Variants in ADGRL3 observed in about 807,000 individuals in gnomAD.
ADGRL3 encodes the protein calcium-independent alpha-latrotoxin receptor 3.
In ADGRL3, 62 loss-of-function variants were observed where a neutral mutation model predicts 153.5. The observed-to-expected ratio is 0.40, with a 90% CI of 0.33 to 0.50. The LOEUF (loss-of-function observed/expected upper bound fraction) is 0.50. Ranked by LOEUF, ADGRL3 falls within the 20% of genes least tolerant of loss-of-function variation. ADGRL3 has a pLI of 0.47. For missense variants in ADGRL3, 1,641 were observed against 1,859.4 expected (o/e 0.88, Z 2.16); for synonymous variants, 710 against 672.5 (o/e 1.06, Z -0.86).
Position 61,667,040 on chromosome 4 carries a change from T to C in ADGRL3, c.474-9786T>C, listed in dbSNP as rs147435920. Among the ~76,000 whole-genome samples, 276 of 152,294 alleles carry C rather than the reference T, an allele frequency of 1.8e-3. 1 individual carries two copies. The highest frequency in any genetic ancestry group is 3.4e-3 in the Middle Eastern group (1 of 294). ...GAACTTGTTAATTTTAAAAAGCACA[T>C]TTCCATTTATTTTGGATGCATCGTT... On this transcript the variant is annotated intron_variant, in intron 5 of 26. Transcript: ENST00000683033.
chr4:61,269,586 A>G (rs1467517639), intron 1 of ADGRL3, among the ~76,000 whole-genome samples: 1 of 151,664 alleles, frequency 6.6e-6, no homozygotes, highest in Non-Finnish European at 1.5e-5. Context: ...AGCCATAAAA[A>G]ACTCTATTTT....
chr4:61,311,626 A>G (rs2095015923), intron 1 of ADGRL3, among the ~76,000 whole-genome samples: 1 of 152,202 alleles, frequency 6.6e-6, no homozygotes, highest in African/African-American at 2.4e-5. Context: ...TGTTCATAAC[A>G]CATCATTTAA....
At chr4:61,503,142 T>C (rs1290235159) in intron 3 of ADGRL3, among the ~76,000 whole-genome samples, 1 of 152,206 alleles carries the variant, frequency 6.6e-6, no homozygotes, top group African/African-American at 2.4e-5. Context: ...CTGATAGCTT[T>C]ACTTTATGTG....
chr4:61,731,917 G>T lies in ADGRL3; in HGVS notation c.599-837G>T, dbSNP rs115850621. ...AATCAAGTGAATCAGATGATTCTTG[G>T]CCATTTTCATCCTGAAGTATGAGCA... On this transcript the variant is annotated intron_variant, in intron 7 of 26. Coordinates refer to ENST00000683033, the MANE Select transcript of ADGRL3 (RefSeq NM_001387552.1). 2.8e-3 allele frequency among the ~76,000 whole-genome samples: 430 copies of T among 152,132 alleles called. 11 individuals carry two copies. The highest frequency in any genetic ancestry group is 9.9e-3 in the African/African-American group (413 of 41,508).
At chr4:61,277,993 T>C (rs912969265) in intron 1 of ADGRL3, among the ~76,000 whole-genome samples, 1 of 152,156 alleles carries the variant, frequency 6.6e-6, no homozygotes, top group African/African-American at 2.4e-5. Context: ...AAACTCTCCA[T>C]TGTAAGGCTT....
chr4:61,607,913 T>C (rs1387965030), intron 5 of ADGRL3, among the ~76,000 whole-genome samples: 1 of 152,174 alleles, frequency 6.6e-6, no homozygotes, highest in Non-Finnish European at 1.5e-5. Flanking sequence ...TGGCCCATGC[T>C]CTTTTCTAAG....
At position 61,449,935 on chromosome 4, in the gene ADGRL3, A is replaced by C. The variant is rs897617455; in HGVS notation, c.-173-47186A>C. Among the ~76,000 whole-genome samples the C allele has an allele frequency of 2.0e-5, 3 of 152,214 alleles. 1 individual carries two copies. In the South Asian group the frequency reaches 6.2e-4, roughly 32 times the overall value. ...ATGATATAATGGTGTTTTTCTAGGC[A>C]TGATGTCTATTGGAAACTATAATGT... On this transcript the variant is annotated intron_variant, in intron 2 of 26. Transcript: ENST00000683033.
intron 22 of ADGRL3, among the ~76,000 whole-genome samples, chr4:62,030,039 A>G (rs1287118836): frequency 6.6e-6 from 1 of 151,638 alleles, no homozygotes; most frequent in Non-Finnish European, 1.5e-5. Flanking sequence ...TTTTTTATTC[A>G]AGAATGTTGA....
At chr4:62,026,077 T>C (rs12645211) in intron 21 of ADGRL3, among the ~76,000 whole-genome samples, 16,894 of 152,174 alleles carry the variant, frequency 0.11, 1,222 homozygotes, top group East Asian at 0.28. Flanking sequence ...TTTAGTGATC[T>C]TTAGATTTTA....
At chr4:61,402,388 T>C (rs2096939996) in intron 2 of ADGRL3, among the ~76,000 whole-genome samples, 1 of 152,124 alleles carries the variant, frequency 6.6e-6, no homozygotes, top group Non-Finnish European at 1.5e-5. Context: ...CATTCCCCAT[T>C]TTGAAATTAT....
At chr4:61,353,126 C>T (rs1166444827) in intron 1 of ADGRL3, among the ~76,000 whole-genome samples, 1 of 151,964 alleles carries the variant, frequency 6.6e-6, no homozygotes, top group African/African-American at 2.4e-5. Context: ...GCAAAGTGAT[C>T]CAGGTAGTTT....
At chr4:61,568,219 A>C (rs1468056529) in intron 4 of ADGRL3, among the ~76,000 whole-genome samples, 1 of 152,084 alleles carries the variant, frequency 6.6e-6, no homozygotes, top group Non-Finnish European at 1.5e-5. Flanking sequence ...CCCCACATCA[A>C]ATATCTATAA....
intron 8 of ADGRL3, among the ~76,000 whole-genome samples, chr4:61,800,313 G>C (rs115951812): frequency 2.1e-3 from 324 of 152,256 alleles, no homozygotes; most frequent in African/African-American, 7.5e-3. Context: ...GATTCTCCAA[G>C]TAAATACAGT....
At chr4:61,858,970 T>G (rs2098311067) in intron 9 of ADGRL3, among the ~76,000 whole-genome samples, 1 of 152,188 alleles carries the variant, frequency 6.6e-6, no homozygotes, top group African/African-American at 2.4e-5. Flanking sequence ...CAATTAAAAT[T>G]TAAAAGATCG....
chr4:61,344,523 A>G (rs1195037615), intron 1 of ADGRL3, among the ~76,000 whole-genome samples: 2 of 152,190 alleles, frequency 1.3e-5, no homozygotes, highest in African/African-American at 2.4e-5. Context: ...CCTTGAAAAG[A>G]ACTTTCAAAT....
intron 5 of ADGRL3, among the ~76,000 whole-genome samples, chr4:61,676,434 T>G (rs2095195192): frequency 6.6e-6 from 1 of 152,032 alleles, no homozygotes. Context: ...AACTGCCTAA[T>G]AAACTCTGTG....
At chr4:61,703,286 A>G (rs1253218798) in intron 6 of ADGRL3, among the ~76,000 whole-genome samples, 3 of 136,262 alleles carry the variant, frequency 2.2e-5, no homozygotes, top group Non-Finnish European at 5.2e-5. Flanking sequence ...TAGATGCTCA[A>G]CAAATCTTGG....
chr4:61,929,280 A>G (rs917067678), intron 13 of ADGRL3, among the ~76,000 whole-genome samples: 13 of 152,102 alleles, frequency 8.5e-5, no homozygotes, highest in East Asian at 3.9e-4. Context: ...TCACCAGACA[A>G]TGAATCTGCA....
chr4:61,954,349 T>A (rs2150382613), intron 17 of ADGRL3, among the ~76,000 whole-genome samples: 1 of 151,946 alleles, frequency 6.6e-6, no homozygotes. Context: ...CTCTATCATC[T>A]CCCCTCTGCT....
Sources: allele counts gnomAD v4.1 joint callset (sites outside exome capture counted in the v4.1 genomes callset), GRCh38; gene constraint gnomAD v4.1.1; transcripts MANE v1.5; gene names NCBI Gene and HGNC (gene_info 2026-07-23, HGNC 2026-07-21).